The following FARP1 variants were observed in gnomAD, a reference collection of about 807,000 sequenced individuals.
The protein encoded by FARP1 is FERM, ARHGEF and pleckstrin domain-containing protein 1.
FARP1 carries 52 observed loss-of-function variants against 128.8 expected under a neutral mutation model. The ratio of observed to expected loss-of-function variants is 0.40; its 90% CI spans 0.32 to 0.51. The LOEUF (loss-of-function observed/expected upper bound fraction) is 0.51. Ranked by LOEUF, FARP1 falls within the 20% of genes least tolerant of loss-of-function variation. The pLI is 0.45. For missense variants in FARP1, 1,333 were observed against 1,367.9 expected, an observed-to-expected ratio of 0.97 and a Z score of 0.40; for synonymous variants, 580 against 551.8, an observed-to-expected ratio of 1.05 and a Z score of -0.72.
intron 1 of FARP1, among the ~76,000 whole-genome samples, chr13:98,185,432 T>C (rs1218937767): frequency 6.6e-6 from 1 of 152,132 alleles, no homozygotes; most frequent in Non-Finnish European, 1.5e-5. Context: ...TAGATCTTTA[T>C]GTTGGGGGGG....
intron 2 of FARP1, among the ~76,000 whole-genome samples, chr13:98,326,657 G>T (rs1382480624): frequency 1.3e-5 from 2 of 152,166 alleles, no homozygotes; most frequent in African/African-American, 4.8e-5. Context: ...TAGAGTACCT[G>T]GTACGTGCCC....
intron 1 of FARP1, among the ~76,000 whole-genome samples, chr13:98,187,581 T>G (rs1878961172): frequency 6.6e-6 from 1 of 152,232 alleles, no homozygotes; most frequent in Admixed American, 6.5e-5. Context: ...TCATGTCACC[T>G]TACAGGGCCT....
At chr13:98,412,693 G>C (rs953662661) in intron 16 of FARP1, among the ~76,000 whole-genome samples, 4 of 152,150 alleles carry the variant, frequency 2.6e-5, no homozygotes, top group Non-Finnish European at 5.9e-5. Flanking sequence ...TGAGAGAAGA[G>C]GGAGGTACAA....
chr13:98,448,681 CTTTCT>C lies in FARP1; in HGVS notation c.*368_*372del, dbSNP rs547052513. On this transcript the variant is annotated 3_prime_UTR_variant, in exon 27 of 27. Coordinates refer to ENST00000319562, the MANE Select transcript of FARP1 (RefSeq NM_005766.4). ...AGTGTTTTTCTTCCTAAAAAAAGTT[CTTTCT>C]TTTATTATTTTCACCTATTGGCTGC... 2.0e-3 allele frequency: 367 copies of C among 183,192 alleles called. 2 individuals carry two copies. Among genetic ancestry groups the C allele is most frequent in the South Asian group, 9.4e-3 (62 of 6,584 alleles). 11.3% of individuals were successfully genotyped at this position (183,192 alleles called of 1,614,324 possible). A position where few individuals can be genotyped will look rare whatever the true frequency, so the allele number is the denominator to read the frequency against.
intron 2 of FARP1, among the ~76,000 whole-genome samples, chr13:98,268,319 C>G (rs1181881228): frequency 6.6e-6 from 1 of 152,032 alleles, no homozygotes; most frequent in Non-Finnish European, 1.5e-5. Flanking sequence ...AAAAGGTTGC[C>G]GTTGCCTGGA....
At chr13:98,216,241 G>A (rs559062879) in intron 2 of FARP1, among the ~76,000 whole-genome samples, 6 of 152,290 alleles carry the variant, frequency 3.9e-5, no homozygotes, top group South Asian at 2.1e-4. Context: ...GAGCAGCCAC[G>A]GCCAGGCCAG....
rs550550736 is a variant in FARP1, at chr13:98,325,749, G to T, written c.172-18013G>T. Among the ~76,000 whole-genome samples the T allele has an allele frequency of 3.3e-5, 5 of 152,340 alleles. No individual in the cohort carries two copies. The East Asian group carries it at 9.6e-4, about 29-fold the overall frequency. On this transcript the variant is annotated intron_variant, in intron 2 of 26. Transcript: ENST00000319562. ...ATTTGTAGCTTGTCCAGTTTGATCT[G>T]CATGGAGTTGTCATAAGAAAGTCTT...
chr13:98,190,589 G>GTC (rs2139233032), intron 1 of FARP1, among the ~76,000 whole-genome samples: 1 of 152,208 alleles, frequency 6.6e-6, no homozygotes, highest in South Asian at 2.1e-4. Flanking sequence ...TAGAAACAGG[G>GTC]TCTCGCTCTG....
intron 1 of FARP1, among the ~76,000 whole-genome samples, chr13:98,199,050 C>T (rs1252479924): frequency 6.8e-6 from 1 of 147,456 alleles, no homozygotes; most frequent in Non-Finnish European, 1.5e-5. Flanking sequence ...CAAAAGCTGC[C>T]TCTCACCTGC....
At chr13:98,378,640 A>C (rs956276757) in intron 6 of FARP1, among the ~76,000 whole-genome samples, 2 of 151,954 alleles carry the variant, frequency 1.3e-5, no homozygotes, top group Non-Finnish European at 2.9e-5. Flanking sequence ...GTCTCATATA[A>C]TCAGTCCCCT....
Position 98,390,860 on chromosome 13 carries a change from T to C in FARP1, c.1068T>C (p.His356=). 3.1e-6 allele frequency: 5 copies of C among 1,613,418 alleles called. No individual in the cohort carries two copies. Among genetic ancestry groups the C allele is most frequent in the Non-Finnish European group, 4.2e-6 (5 of 1,179,424 alleles). ...QVLDYVKEGG[H]KKVQFERKHS... is the part of the protein sequence containing the mutation. ...TCGACTATGTTAAAGAAGGAGGACA[T>C]AAGAAGGTGCAGTTTGAAAGGTAAG... Residue 356 remains histidine, a synonymous_variant, in exon 11 of 27, where the codon CAT becomes CAC. Transcript: ENST00000319562.
intron 2 of FARP1, among the ~76,000 whole-genome samples, chr13:98,218,069 T>A (rs898135031): frequency 6.6e-6 from 1 of 152,140 alleles, no homozygotes; most frequent in Non-Finnish European, 1.5e-5. Flanking sequence ...ATTCGCGGAC[T>A]TCCTCTGCCT....
chr13:98,277,109 T>TACACACACAC (rs368911842), intron 2 of FARP1, among the ~76,000 whole-genome samples: 4,967 of 118,110 alleles, frequency 0.042, 154 homozygotes, highest in Middle Eastern at 0.068. Flanking sequence ...TCTAGAAAAA[T>TACACACACAC]ACACACACAC....
chr13:98,335,200 C>A (rs12431054), intron 2 of FARP1, among the ~76,000 whole-genome samples: 21,821 of 152,152 alleles, frequency 0.14, 1,711 homozygotes, highest in East Asian at 0.25. Context: ...TTTTGTACAT[C>A]ATCGACGGAA....
chr13:98,221,894 A>G (rs1239705882), intron 2 of FARP1, among the ~76,000 whole-genome samples: 1 of 152,200 alleles, frequency 6.6e-6, no homozygotes, highest in African/African-American at 2.4e-5. Context: ...TAGAATGTAA[A>G]TATAAAAACA....
chr13:98,424,000 C>G (rs1343685196), intron 16 of FARP1, among the ~76,000 whole-genome samples: 2 of 152,192 alleles, frequency 1.3e-5, no homozygotes, highest in Non-Finnish European at 2.9e-5. Flanking sequence ...CTACCCTATT[C>G]TATGGCATTT....
chr13:98,308,267 A>T (rs1886273764), intron 2 of FARP1, among the ~76,000 whole-genome samples: 1 of 152,154 alleles, frequency 6.6e-6, no homozygotes, highest in African/African-American at 2.4e-5. Context: ...ATCAGGTAGT[A>T]GGTGTTCAGC....
intron 2 of FARP1, among the ~76,000 whole-genome samples, chr13:98,317,601 G>T (rs950785767): frequency 7.9e-5 from 12 of 151,912 alleles, no homozygotes; most frequent in African/African-American, 2.7e-4. Flanking sequence ...AGAAGGTAAA[G>T]ATGGGGTTTG....
chr13:98,198,027 C>T (rs1373151796), intron 1 of FARP1, among the ~76,000 whole-genome samples: 1 of 152,260 alleles, frequency 6.6e-6, no homozygotes, highest in African/African-American at 2.4e-5. Context: ...AAAGAAAATA[C>T]CCATTGGTGT....
Sources: gnomAD v4.1 joint callset for allele counts (sites outside exome capture counted in the v4.1 genomes callset) on GRCh38, gnomAD v4.1.1 for gene constraint, MANE v1.5 for transcripts, NCBI Gene and HGNC (gene_info 2026-07-23, HGNC 2026-07-21) for gene names.